Variants in PTPN13 observed in about 807,000 individuals in gnomAD.
PTPN13 encodes tyrosine-protein phosphatase non-receptor type 13.
In PTPN13, 191 loss-of-function variants were observed where a neutral mutation model predicts 284.0. That is an observed-to-expected ratio of 0.67 (90% CI 0.60 to 0.76). The LOEUF (loss-of-function observed/expected upper bound fraction) is 0.76, where lower values mean the gene tolerates loss of function less well. Among genes scored for constraint, PTPN13 ranks in the 30% least tolerant of loss-of-function variants. The pLI, the probability that PTPN13 is intolerant of heterozygous loss-of-function variation, is 0.00. For missense variants in PTPN13, 2,797 were observed against 2,939.9 expected (o/e 0.95, Z 1.12); for synonymous variants, 986 against 1,022.3 (o/e 0.96, Z 0.68).
intron 2 of PTPN13, among the ~76,000 whole-genome samples, chr4:86,662,598 G>T (rs960800981): frequency 2.0e-5 from 3 of 152,136 alleles, no homozygotes; most frequent in African/African-American, 7.2e-5. Flanking sequence ...CCAAAGTGCT[G>T]GGATTACAGG....
At chr4:86,637,548 C>A (rs1217685963) in intron 2 of PTPN13, among the ~76,000 whole-genome samples, 1 of 151,596 alleles carries the variant, frequency 6.6e-6, no homozygotes, top group Non-Finnish European at 1.5e-5. Flanking sequence ...TAAATGTAAT[C>A]CAGCATATAA....
chr4:86,751,153 TC>T, intron 19 of PTPN13, 29 bp downstream of exon 19: 1 of 1,434,004 alleles, frequency 7.0e-7, no homozygotes. Flanking sequence ...ACCTTCTTTG[TC>T]CCATACCTCA....
chr4:86,814,000 C>CTTTTT (rs535405150), intron 47 of PTPN13, among the ~76,000 whole-genome samples: 3 of 100,044 alleles, frequency 3.0e-5, no homozygotes, highest in Non-Finnish European at 5.9e-5. Context: ...TACCCTGCTT[C>CTTTTT]TTTTTTTTTT....
chr4:86,771,301 C>T lies in PTPN13; in HGVS notation c.4934C>T (p.Ser1645Phe), dbSNP rs1430741008. 3 of 1,602,844 alleles carry T rather than the reference C, an allele frequency of 1.9e-6. No homozygotes were observed. The highest frequency in any genetic ancestry group is 1.3e-5 in the African/African-American group (1 of 74,874). The stretch of plus-strand genomic sequence containing the variant: ...GACAAAAGCAAAAAACAGTGCAAGT[C>T]CCCATCCAGAAGAGACAGTTACAGT... Reference protein sequence around the residue: ...MSDKSKKQCKSPSRRDSYSDS... With the variant: ...MSDKSKKQCKFPSRRDSYSDS... Residue 1645 changes from serine to phenylalanine, a missense_variant, in exon 31 of 48, where the codon TCC becomes TTC. Ser to Phe is a radical substitution (Grantham distance 155). Coordinates refer to ENST00000411767, the MANE Select transcript of PTPN13 (RefSeq NM_080683.3).
chr4:86,724,161 T>C (rs1733974861), intron 10 of PTPN13, among the ~76,000 whole-genome samples: 1 of 152,214 alleles, frequency 6.6e-6, no homozygotes, highest in Non-Finnish European at 1.5e-5. Flanking sequence ...TATAAAACAC[T>C]ATCCAATTTT....
intron 47 of PTPN13, among the ~76,000 whole-genome samples, chr4:86,812,441 A>G (rs547543772): frequency 6.6e-6 from 1 of 152,338 alleles, no homozygotes; most frequent in South Asian, 2.1e-4. Context: ...GACCATAGAC[A>G]TGTTAAACAT....
In PTPN13 at chr4:86,669,285, GTATATATA is replaced by G. The variant is rs34939020; in HGVS notation, c.116-3055_116-3048del. ...TGACCTGTAATGTTGGGAAGAAGAT[GTATATATA>G]TATATATATATATATATATATATAG... On this transcript the variant is annotated intron_variant, in intron 2 of 47. Coordinates refer to ENST00000411767, the MANE Select transcript of PTPN13 (RefSeq NM_080683.3). Among the ~76,000 whole-genome samples the G allele has an allele frequency of 4.8e-3, 540 of 113,374 alleles. 4 individuals carry two copies. The highest frequency in any genetic ancestry group is 0.017 in the African/African-American group (492 of 29,718). The allele number at this position is 113,374 out of a possible 152,430, so 74.4% of individuals were successfully genotyped here. A position where few individuals can be genotyped will look rare whatever the true frequency, so the allele number is the denominator to read the frequency against.
intron 2 of PTPN13, among the ~76,000 whole-genome samples, chr4:86,658,711 G>C (rs1022301058): frequency 1.3e-5 from 2 of 152,100 alleles, no homozygotes; most frequent in Non-Finnish European, 2.9e-5. Context: ...AAGAGGATAG[G>C]AAACAGAACA....
chr4:86,631,896 A>C (rs1382534603), intron 1 of PTPN13, among the ~76,000 whole-genome samples: 1 of 152,182 alleles, frequency 6.6e-6, no homozygotes, highest in East Asian at 1.9e-4. Context: ...ACAGTATCTT[A>C]AGATTTAAAA....
At position 86,725,304 on chromosome 4, in the gene PTPN13, G is replaced by A. The variant is rs762384300; in HGVS notation, c.1608+2870G>A. The stretch of plus-strand genomic sequence containing the variant: ...CATGTGCATGTGTCTTTATGGTAGC[G>A]TGATTTATAATCCTTTGGGTATATA... On this transcript the variant is annotated intron_variant, in intron 10 of 47. Coordinates refer to ENST00000411767, the MANE Select transcript of PTPN13 (RefSeq NM_080683.3). Among the ~76,000 whole-genome samples the A allele has an allele frequency of 2.7e-4, 41 of 149,264 alleles. 3 individuals are homozygous for A. Among genetic ancestry groups the A allele is most frequent in the Non-Finnish European group, 4.8e-4 (32 of 66,446 alleles).
rs1474050953 is a variant in PTPN13 at position 86,771,153 on chromosome 4, T to C, written c.4804-18T>C. 1 of 1,572,200 alleles carries C rather than the reference T, an allele frequency of 6.4e-7. No homozygotes were observed. The highest frequency in any genetic ancestry group is 8.6e-7 in the Non-Finnish European group (1 of 1,159,412). On this transcript the variant is annotated intron_variant, in intron 30 of 47. Transcript: ENST00000411767. ...TTCATAGAATGGTCACAAATCTCTT[T>C]AAATGTGTCCATTACAGACCCCACT... is the stretch of plus-strand genomic sequence containing the variant.
chr4:86,745,350 T>A (rs1162662877), intron 17 of PTPN13, among the ~76,000 whole-genome samples: 1 of 152,202 alleles, frequency 6.6e-6, no homozygotes, highest in Non-Finnish European at 1.5e-5. Flanking sequence ...AGTGTCCATT[T>A]TGTGCTTAGC....
chr4:86,655,297 G>A (rs1376700378), intron 2 of PTPN13, among the ~76,000 whole-genome samples: 2 of 152,164 alleles, frequency 1.3e-5, no homozygotes, highest in Non-Finnish European at 2.9e-5. Flanking sequence ...ATGTTAGCTA[G>A]TTATTTTGCT....
chr4:86,766,597 A>T, intron 27 of PTPN13, 80 bp downstream of exon 27: 2 of 1,037,336 alleles, frequency 1.9e-6, no homozygotes, highest in Non-Finnish European at 2.7e-6. Flanking sequence ...TCTCATTGAG[A>T]TCTCTAAATT....
chr4:86,770,636 C>G (rs1330191631), intron 30 of PTPN13, among the ~76,000 whole-genome samples: 1 of 152,052 alleles, frequency 6.6e-6, no homozygotes. Context: ...TCTTGATGAG[C>G]GTATAAGTTG....
chr4:86,726,725 G>C (rs1204454843), intron 10 of PTPN13, among the ~76,000 whole-genome samples: 1 of 149,136 alleles, frequency 6.7e-6, no homozygotes, highest in Non-Finnish European at 1.5e-5. Flanking sequence ...GAGACGATGG[G>C]GTTTTCTAAA....
At chr4:86,613,478 C>G (rs557761313) in intron 1 of PTPN13, among the ~76,000 whole-genome samples, 1 of 151,862 alleles carries the variant, frequency 6.6e-6, no homozygotes, top group South Asian at 2.1e-4. Flanking sequence ...ACTAAAAATA[C>G]GAAAAGTTAG....
chr4:86,598,194 A>G (rs1401687052), intron 1 of PTPN13, among the ~76,000 whole-genome samples: 2 of 151,486 alleles, frequency 1.3e-5, no homozygotes, highest in Non-Finnish European at 2.9e-5. Flanking sequence ...GCTGGAATAC[A>G]GTGGCACAAT....
chr4:86,603,038 G>T (rs1764446494), intron 1 of PTPN13, among the ~76,000 whole-genome samples: 1 of 151,988 alleles, frequency 6.6e-6, no homozygotes, highest in Non-Finnish European at 1.5e-5. Context: ...TCCTGTTTAG[G>T]AATCACTTTT....
Sources: gnomAD v4.1 joint callset for allele counts (sites outside exome capture counted in the v4.1 genomes callset) on GRCh38, gnomAD v4.1.1 for gene constraint, MANE v1.5 for transcripts, NCBI Gene and HGNC (gene_info 2026-07-23, HGNC 2026-07-21) for gene names.